Variants in ASAP3 observed in about 807,000 individuals in gnomAD.
The protein encoded by ASAP3 is arf-GAP with SH3 domain, ANK repeat and PH domain-containing protein 3.
Under a neutral mutation model 118.2 loss-of-function variants are expected in ASAP3, and 85 were observed. The ratio of observed to expected loss-of-function variants is 0.72; its 90% CI spans 0.60 to 0.86. ASAP3 has a LOEUF of 0.86. Ranked by LOEUF, ASAP3 falls within the 40% of genes least tolerant of loss-of-function variation. The pLI, the probability that ASAP3 is intolerant of heterozygous loss-of-function variation, is 0.00. For synonymous variants in ASAP3, 432 were observed against 477.4 expected, an observed-to-expected ratio of 0.90 and a Z score of 1.24; for missense variants, 1,026 against 1,175.0, an observed-to-expected ratio of 0.87 and a Z score of 1.85.
chr1:23,452,793 A>G, intron 3 of ASAP3, 22 bp from the exon 4 acceptor site: 1 of 1,612,912 alleles, frequency 6.2e-7, no homozygotes, highest in Non-Finnish European at 8.5e-7. Flanking sequence ...AGAGACGCTC[A>G]TTCCCGCCTC....
At position 23,436,735 on chromosome 1, in the gene ASAP3, G is replaced by A; in HGVS notation, c.1477-81C>T. ...CATAGGGTGGAGCTCCAAGCCCCCA[G>A]AGTCCCGCCCCTCGGCCGCCCTCCC... On this transcript the variant is annotated intron_variant, in intron 15 of 24. Transcript: ENST00000336689. The surrounding 1 kb of genome is among the most constrained non-coding windows in gnomAD (Gnocchi z 4.2). 6.3e-7 allele frequency: 1 copy of A among 1,585,736 alleles called. No homozygotes were observed. Among genetic ancestry groups the A allele is most frequent in the East Asian group, 2.2e-5 (1 of 44,586 alleles).
In ASAP3 at chr1:23,452,782, C is replaced by CA. The variant is rs1558147566; in HGVS notation, c.349-12dup. On this transcript the variant is annotated splice_polypyrimidine_tract_variant and intron_variant, in intron 3 of 24. Transcript: ENST00000336689. Reference sequence around the variant, plus strand: ...GTTCAAGTTCTGAATCTGGAAAAAACAGAGACGCTCATTCCCGCCTCAGGT... The same window carrying CA: ...GTTCAAGTTCTGAATCTGGAAAAAACAAGAGACGCTCATTCCCGCCTCAGGT... 25 of 1,613,778 alleles carry CA rather than the reference C, an allele frequency of 1.5e-5. No individual in the cohort carries two copies. The highest frequency in any genetic ancestry group is 1.9e-5 in the Non-Finnish European group (23 of 1,179,886).
intron 7 of ASAP3, 71 bp from the exon 8 acceptor site, chr1:23,441,801 G>C: frequency 6.5e-7 from 1 of 1,538,944 alleles, no homozygotes; most frequent in Non-Finnish European, 9.0e-7. Context: ...AGAAGTGTGG[G>C]AGAAGCTGCC....
chr1:23,436,950 C>A lies in ASAP3; in HGVS notation c.1437G>T (p.Gln479His), dbSNP rs767969077. 1 of 1,612,480 alleles carries A rather than the reference C, an allele frequency of 6.2e-7. No homozygotes were observed. The highest frequency in any genetic ancestry group is 8.5e-7 in the Non-Finnish European group (1 of 1,179,864). Residue 479 changes from glutamine to histidine, a missense_variant, in exon 15 of 25, where the codon CAG becomes CAT. By Grantham distance (24) the Gln-to-His change is conservative. Transcript: ENST00000336689. This position sits in a 1 kb window ranked among gnomAD's most constrained non-coding sequence, Gnocchi z 4.2. ...GGCCCAGCAGGTCCAAGGTGAGTGA[C>A]TGCATGCGCGAAAAGCGCACGCCCA... ...RELGVRFSRM[Q>H]SLTLDLLGPS...
rs1483021955 is a variant in ASAP3, at chr1:23,438,125, ACT to A, written c.1102+620_1102+621del. Among the ~76,000 whole-genome samples the A allele has an allele frequency of 1.3e-5, 2 of 151,120 alleles. No homozygotes were observed. Among genetic ancestry groups the A allele is most frequent in the Non-Finnish European group, 1.5e-5 (1 of 67,754 alleles). ...CTCCTCAAAAGCCCCCACCCCACAA[ACT>A]CTTCATTCTACATGTCCTTCAAGGC... is the stretch of plus-strand genomic sequence containing the variant. On this transcript the variant is annotated intron_variant, in intron 12 of 24. Coordinates refer to ENST00000336689, the MANE Select transcript of ASAP3 (RefSeq NM_017707.4). The surrounding 1 kb of genome is among the most constrained non-coding windows in gnomAD (Gnocchi z 4.9).
At chr1:23,459,157 C>T (rs1443109773) in intron 1 of ASAP3, among the ~76,000 whole-genome samples, 4 of 111,882 alleles carry the variant, frequency 3.6e-5, no homozygotes, top group African/African-American at 6.8e-5. Context: ...ACAATGGGAG[C>T]GAGACTCCAT....
At chr1:23,439,906 C>G (rs1640802556) in intron 10 of ASAP3, among the ~76,000 whole-genome samples, 1 of 152,040 alleles carries the variant, frequency 6.6e-6, no homozygotes. Context: ...TCCCTGCCTC[C>G]CAGGTTCAAG....
intron 5 of ASAP3, among the ~76,000 whole-genome samples, chr1:23,444,836 T>C (rs1640995787): frequency 6.6e-6 from 1 of 152,130 alleles, no homozygotes; most frequent in South Asian, 2.1e-4. Flanking sequence ...GATGATTCTT[T>C]GTTATGGGGG....
chr1:23,431,921 G>A lies in ASAP3; in HGVS notation c.2324-3C>T, dbSNP rs1443034945. The A allele has an allele frequency of 1.9e-6, 3 of 1,612,812 alleles. No homozygotes were observed. Among genetic ancestry groups the A allele is most frequent in the Non-Finnish European group, 2.5e-6 (3 of 1,179,690 alleles). ...CAGGCTGGAGACTTCAGAACGATCT[G>A]GAATCAGAAACATCAGAAATGATAA... On this transcript the variant is annotated splice_region_variant and splice_polypyrimidine_tract_variant and intron_variant, in intron 22 of 24. Transcript: ENST00000336689.
chr1:23,445,991 A>G (rs12122706), intron 5 of ASAP3, among the ~76,000 whole-genome samples: 5,161 of 152,168 alleles, frequency 0.034, 318 homozygotes, highest in South Asian at 0.23. Context: ...AAGAAAAAAA[A>G]AAAAGAAGAA....
intron 5 of ASAP3, among the ~76,000 whole-genome samples, chr1:23,444,512 C>T (rs182087932): frequency 5.8e-4 from 89 of 152,376 alleles, no homozygotes; most frequent in Non-Finnish European, 1.1e-3. Context: ...ATTTATTCCC[C>T]TCTCTGAGCC....
Position 23,436,088 on chromosome 1 carries a change from G to C in ASAP3, c.1572-60C>G. On this transcript the variant is annotated intron_variant, in intron 16 of 24. Coordinates refer to ENST00000336689, the MANE Select transcript of ASAP3 (RefSeq NM_017707.4). This position sits in a 1 kb window ranked among gnomAD's most constrained non-coding sequence, Gnocchi z 4.2. ...ACCGTGTCTGCCCAGCTGATCCCTG[G>C]GGCCCTCCCACAGGAGATACAGCTC... The C allele has an allele frequency of 6.4e-7, 1 of 1,571,546 alleles. No individual in the cohort carries two copies. Among genetic ancestry groups the C allele is most frequent in the Non-Finnish European group, 8.7e-7 (1 of 1,143,574 alleles).
At chr1:23,449,447 C>T (rs1044734336) in intron 5 of ASAP3, among the ~76,000 whole-genome samples, 3 of 152,198 alleles carry the variant, frequency 2.0e-5, no homozygotes, top group Admixed American at 2.0e-4. Context: ...CCTATATGAA[C>T]AGCCAGGGGT....
chr1:23,431,444 G>A (rs1051298829), intron 23 of ASAP3, among the ~76,000 whole-genome samples: 1 of 152,194 alleles, frequency 6.6e-6, no homozygotes, highest in African/African-American at 2.4e-5. Context: ...CCACACAGGG[G>A]GCTAAGCCTA....
chr1:23,448,361 C>A (rs1570361017), intron 5 of ASAP3, among the ~76,000 whole-genome samples: 1 of 152,144 alleles, frequency 6.6e-6, no homozygotes, highest in East Asian at 1.9e-4. Flanking sequence ...GCTTTCCCTG[C>A]CAGGGAGAAT....
chr1:23,474,502 C>T lies in ASAP3; in HGVS notation c.129+9503G>A, dbSNP rs1373502052. Among the ~76,000 whole-genome samples the T allele has an allele frequency of 3.3e-5, 5 of 152,078 alleles. No individual in the cohort carries two copies. In the East Asian group the frequency reaches 5.8e-4, roughly 18 times the overall value. ...TCTTCCTATCCCAATCTCTTGATAC[C>T]GAGGGTCCCCAGGGCTTGGGTCTGG... is the stretch of plus-strand genomic sequence containing the variant. On this transcript the variant is annotated intron_variant, in intron 1 of 24. Coordinates refer to ENST00000336689, the MANE Select transcript of ASAP3 (RefSeq NM_017707.4).
chr1:23,484,356 C>CCCCGGT (rs1642442201), upstream of ASAP3: 2 of 380,280 alleles, frequency 5.3e-6, no homozygotes, highest in Middle Eastern at 8.0e-4. Flanking sequence ...CAGGCTCCGG[C>CCCCGGT]CCCGGTCCCG....
In ASAP3 at chr1:23,436,904, C is replaced by T. The variant is rs1489636833; in HGVS notation, c.1476+7G>A. ...CTGGCCCCTTCCAGGCCCCGCCCCGCCCTCACCAACAACTCGGAGGGGCCC... is the reference window on the plus strand; with the variant it reads ...CTGGCCCCTTCCAGGCCCCGCCCCGTCCTCACCAACAACTCGGAGGGGCCC... On this transcript the variant is annotated splice_region_variant and intron_variant, in intron 15 of 24. Transcript: ENST00000336689. The surrounding 1 kb of genome is among the most constrained non-coding windows in gnomAD (Gnocchi z 4.2). 1.2e-6 allele frequency: 2 copies of T among 1,610,398 alleles called. No homozygotes were observed. Among genetic ancestry groups the T allele is most frequent in the South Asian group, 1.1e-5 (1 of 90,940 alleles).
chr1:23,450,544 G>A (rs1215204842), intron 5 of ASAP3, among the ~76,000 whole-genome samples: 2 of 148,560 alleles, frequency 1.3e-5, no homozygotes, highest in Non-Finnish European at 1.5e-5. Flanking sequence ...CTATTTTTGG[G>A]TAGTTTCTCC....
Sources: allele counts gnomAD v4.1 joint callset (sites outside exome capture counted in the v4.1 genomes callset), GRCh38; gene constraint gnomAD v4.1.1; non-coding constraint Gnocchi (gnomAD v3.1); transcripts MANE v1.5; gene names NCBI Gene and HGNC (gene_info 2026-07-23, HGNC 2026-07-21).